The following ST3GAL6 variants were observed in gnomAD, a reference collection of about 807,000 sequenced individuals.
The protein encoded by ST3GAL6 is type 2 lactosamine alpha-2,3-sialyltransferase.
ST3GAL6 carries 31 observed loss-of-function variants against 40.5 expected under a neutral mutation model. That is an observed-to-expected ratio of 0.77 (90% confidence interval 0.58 to 1.03). ST3GAL6 has a LOEUF of 1.03. ST3GAL6 is among the 50% of genes least tolerant of loss of function. The pLI is 0.00. For missense variants in ST3GAL6, 357 were observed against 393.2 expected (o/e 0.91, Z 0.78); for synonymous variants, 129 against 136.9 (o/e 0.94, Z 0.40).
chr3:98,759,823 T>A (rs1937603771), upstream of ST3GAL6, among the ~76,000 whole-genome samples: 1 of 152,170 alleles, frequency 6.6e-6, no homozygotes, highest in African/African-American at 2.4e-5. Context: ...AGATGCAAGA[T>A]AAGGTGTGTG....
At chr3:98,783,367 G>A (rs1940368374) in intron 5 of ST3GAL6, 1 of 164,176 alleles carries the variant, frequency 6.1e-6, no homozygotes, top group African/African-American at 2.4e-5. Flanking sequence ...TTGGTTAACT[G>A]ACTCACACTG....
intron 1 of ST3GAL6, among the ~76,000 whole-genome samples, chr3:98,736,428 A>G (rs1935549847): frequency 1.3e-5 from 2 of 152,168 alleles, no homozygotes; most frequent in South Asian, 4.2e-4. Flanking sequence ...TGATGAGAAC[A>G]AGGCCCCCAG....
chr3:98,751,821 T>G (rs973079413), intron 1 of ST3GAL6, among the ~76,000 whole-genome samples: 1 of 152,244 alleles, frequency 6.6e-6, no homozygotes, highest in African/African-American at 2.4e-5. Context: ...CATATGCATA[T>G]GTCTAACAAA....
chr3:98,753,702 C>A (rs576166691), intron 1 of ST3GAL6, among the ~76,000 whole-genome samples: 4 of 152,322 alleles, frequency 2.6e-5, no homozygotes, highest in African/African-American at 7.2e-5. Context: ...CGGTAGCTTA[C>A]GCCTGTAATC....
chr3:98,775,966 C>T (rs1438172060), intron 5 of ST3GAL6, among the ~76,000 whole-genome samples: 1 of 152,050 alleles, frequency 6.6e-6, no homozygotes, highest in East Asian at 1.9e-4. Flanking sequence ...GGCAAATAAC[C>T]CTGTAGGATC....
At chr3:98,792,397 A>G (rs1349394693) in intron 9 of ST3GAL6, among the ~76,000 whole-genome samples, 1 of 152,184 alleles carries the variant, frequency 6.6e-6, no homozygotes, top group Non-Finnish European at 1.5e-5. Context: ...TTAACCCTAC[A>G]AGAGAATCTT....
Position 98,782,072 on chromosome 3 carries a change from T to C in ST3GAL6, c.336-2873T>C, listed in dbSNP as rs1940183570. On this transcript the variant is annotated intron_variant, in intron 5 of 9. Coordinates refer to ENST00000483910, the MANE Select transcript of ST3GAL6 (RefSeq NM_001323368.2). ...CCCTGAGAGGAAAGGGTTTTGAATA[T>C]TCAGCAGCTCCCATCTCAGCCATAC... 1.3e-5 allele frequency: 8 copies of C among 600,210 alleles called. No individual in the cohort carries two copies. In the East Asian group the frequency reaches 1.7e-4, roughly 13 times the overall value. 37.2% of individuals were successfully genotyped at this position (600,210 alleles called of 1,614,324 possible).
chr3:98,748,360 A>G (rs1936720399), intron 1 of ST3GAL6, among the ~76,000 whole-genome samples: 4 of 152,216 alleles, frequency 2.6e-5, no homozygotes. Flanking sequence ...AGTAGTGCAC[A>G]TCTCCATCTC....
chr3:98,766,405 C>CTTT (rs369996406), intron 1 of ST3GAL6, among the ~76,000 whole-genome samples: 1,829 of 103,770 alleles, frequency 0.018, 130 homozygotes, highest in African/African-American at 0.021. Context: ...AAATGTCATT[C>CTTT]TTTTTTTTTT....
chr3:98,761,214 G>A (rs555082568), upstream of ST3GAL6, among the ~76,000 whole-genome samples: 3 of 152,268 alleles, frequency 2.0e-5, no homozygotes, highest in South Asian at 6.2e-4. Flanking sequence ...GGAGGCTGAG[G>A]CAGGAGGATT....
chr3:98,751,603 T>C (rs936002878), intron 1 of ST3GAL6, among the ~76,000 whole-genome samples: 8 of 152,256 alleles, frequency 5.3e-5, no homozygotes, highest in African/African-American at 1.9e-4. Context: ...CAGCTGATTT[T>C]GTTTTTCTTT....
chr3:98,787,107 T>C (rs987583924), intron 6 of ST3GAL6, among the ~76,000 whole-genome samples: 36 of 152,102 alleles, frequency 2.4e-4, no homozygotes, highest in African/African-American at 8.4e-4. Flanking sequence ...TTCTGCATGG[T>C]GAGGTCACCT....
intron 1 of ST3GAL6, among the ~76,000 whole-genome samples, chr3:98,756,972 A>C (rs963850013): frequency 6.6e-6 from 1 of 152,148 alleles, no homozygotes; most frequent in African/African-American, 2.4e-5. Flanking sequence ...AATTAATTCC[A>C]GTTCTCTGTC....
At chr3:98,783,938 C>T (rs1377867459) in intron 5 of ST3GAL6, among the ~76,000 whole-genome samples, 1 of 152,218 alleles carries the variant, frequency 6.6e-6, no homozygotes, top group African/African-American at 2.4e-5. Flanking sequence ...GTTTACCTGA[C>T]AAAGCCAATG....
upstream of ST3GAL6, among the ~76,000 whole-genome samples, chr3:98,762,062 C>G (rs1937832078): frequency 7.1e-6 from 1 of 141,826 alleles, no homozygotes; most frequent in Admixed American, 7.5e-5. Context: ...GTGAAAAGAT[C>G]TGTCTACATG....
intron 1 of ST3GAL6, chr3:98,756,471 G>A: frequency 7.8e-7 from 1 of 1,289,220 alleles, no homozygotes; most frequent in Non-Finnish European, 1.0e-6. Flanking sequence ...TGGCAGCCTG[G>A]TCCCTCTTTC....
upstream of ST3GAL6, among the ~76,000 whole-genome samples, chr3:98,760,625 A>G (rs1937655896): frequency 6.6e-6 from 1 of 152,150 alleles, no homozygotes; most frequent in Non-Finnish European, 1.5e-5. Flanking sequence ...TTTTTTTTAA[A>G]CTGAGATAAG....
intron 1 of ST3GAL6, among the ~76,000 whole-genome samples, chr3:98,755,705 G>T (rs1452145446): frequency 6.6e-6 from 1 of 151,942 alleles, no homozygotes; most frequent in Non-Finnish European, 1.5e-5. Flanking sequence ...TAGCATAATT[G>T]TTTTTAACGT....
At chr3:98,742,523 A>G (rs1338604078) in intron 1 of ST3GAL6, among the ~76,000 whole-genome samples, 2 of 152,194 alleles carry the variant, frequency 1.3e-5, no homozygotes. Flanking sequence ...GCAAAGCAGA[A>G]TATCAGCATA....
Sources: gnomAD v4.1 joint callset for allele counts (sites outside exome capture counted in the v4.1 genomes callset) on GRCh38, gnomAD v4.1.1 for gene constraint, MANE v1.5 for transcripts, NCBI Gene and HGNC (gene_info 2026-07-23, HGNC 2026-07-21) for gene names.